STPG2: variants seen among roughly 807,000 people sequenced by gnomAD.
The protein encoded by STPG2 is sperm tail PG-rich repeat containing 2, also known as sperm-tail PG-rich repeat-containing protein 2.
A neutral mutation model predicts 54.2 loss-of-function variants in STPG2; 56 were observed. The observed-to-expected ratio is 1.03, with a 90% confidence interval of 0.83 to 1.29. STPG2 has a LOEUF of 1.29. Among genes scored for constraint, STPG2 ranks in the 50% most tolerant of loss-of-function variants. The pLI is 0.00. For synonymous variants in STPG2, 200 were observed against 181.8 expected, an observed-to-expected ratio of 1.10 and a Z score of -0.81; for missense variants, 596 against 544.9, an observed-to-expected ratio of 1.09 and a Z score of -0.93.
intron 5 of STPG2, among the ~76,000 whole-genome samples, chr4:98,098,848 T>C (rs1463951421): frequency 6.6e-6 from 1 of 152,042 alleles, no homozygotes; most frequent in Non-Finnish European, 1.5e-5. Flanking sequence ...GAAATACAAA[T>C]GGCAACAAGC....
At chr4:97,736,731 C>T (rs1384242846) in intron 9 of STPG2, among the ~76,000 whole-genome samples, 2 of 152,198 alleles carry the variant, frequency 1.3e-5, no homozygotes, top group African/African-American at 4.8e-5. Flanking sequence ...TGGAGCCCAC[C>T]ACAGCTCAAG....
chr4:97,841,014 A>G, intron 8 of STPG2, 82 bp from the exon 9 acceptor site: 6 of 1,358,406 alleles, frequency 4.4e-6, no homozygotes, highest in Non-Finnish European at 6.0e-6. Flanking sequence ...TGGTTACAGT[A>G]AGCAATGAAT....
intron 9 of STPG2, among the ~76,000 whole-genome samples, chr4:97,785,901 A>T (rs1726808168): frequency 1.3e-5 from 2 of 152,040 alleles, no homozygotes; most frequent in South Asian, 4.1e-4. Flanking sequence ...CAGGGAGAGT[A>T]AGGAGTGAAG....
intron 10 of STPG2, among the ~76,000 whole-genome samples, chr4:97,655,338 T>C (rs1722191995): frequency 6.6e-6 from 1 of 151,946 alleles, no homozygotes; most frequent in Admixed American, 6.6e-5. Context: ...GCAGAAATGG[T>C]GGGAAAGGGA....
rs145097837 is a variant in STPG2 at position 97,494,806 on chromosome 4, C to T, written c.462+217893G>A. Among the ~76,000 whole-genome samples the T allele has an allele frequency of 6.1e-3, 928 of 151,574 alleles. 5 individuals carry two copies. Among genetic ancestry groups the T allele is most frequent in the South Asian group, 0.02 (98 of 4,806 alleles). On this transcript the variant is annotated intron_variant, in intron 4 of 4. Transcript: ENST00000522676. ...CAAAGATGGCTACAACAATATCTTT[C>T]ATTCCACAAGCTTTTACACAATGTG... is the stretch of plus-strand genomic sequence containing the variant.
chr4:97,640,680 A>C (rs1721737203), intron 10 of STPG2, among the ~76,000 whole-genome samples: 1 of 151,650 alleles, frequency 6.6e-6, no homozygotes, highest in Non-Finnish European at 1.5e-5. Context: ...TCAAAAGGTA[A>C]AAGAACATGA....
chr4:97,800,654 G>C (rs1727362497), intron 9 of STPG2, among the ~76,000 whole-genome samples: 1 of 152,178 alleles, frequency 6.6e-6, no homozygotes, highest in African/African-American at 2.4e-5. Context: ...GAGGCAGTCT[G>C]TCCATTCTCC....
chr4:98,023,688 C>T (rs867845124), intron 5 of STPG2, among the ~76,000 whole-genome samples: 2 of 152,252 alleles, frequency 1.3e-5, no homozygotes, highest in African/African-American at 2.4e-5. Context: ...CCACCCAGTT[C>T]GAGCTTTCTG....
chr4:97,787,470 A>G (rs1726861626), intron 9 of STPG2, among the ~76,000 whole-genome samples: 1 of 152,076 alleles, frequency 6.6e-6, no homozygotes, highest in African/African-American at 2.4e-5. Flanking sequence ...CATTTCAGGG[A>G]TCCATGACTT....
At chr4:97,885,632 A>G (rs1730535201) in intron 8 of STPG2, among the ~76,000 whole-genome samples, 2 of 152,216 alleles carry the variant, frequency 1.3e-5, no homozygotes, top group Non-Finnish European at 2.9e-5. Context: ...AGGTTCATAT[A>G]TACACAGATT....
At chr4:97,686,525 C>A (rs576777925) in intron 10 of STPG2, among the ~76,000 whole-genome samples, 1 of 152,218 alleles carries the variant, frequency 6.6e-6, no homozygotes, top group South Asian at 2.1e-4. Context: ...CGTTCTTCTG[C>A]TGGAGGTTAG....
chr4:97,787,326 G>A (rs1726857966), intron 9 of STPG2, among the ~76,000 whole-genome samples: 1 of 151,982 alleles, frequency 6.6e-6, no homozygotes, highest in Non-Finnish European at 1.5e-5. Flanking sequence ...AATTTGCTGA[G>A]AATTTTTAAT....
At chr4:97,905,540 T>G (rs1731373896) in intron 8 of STPG2, among the ~76,000 whole-genome samples, 1 of 149,998 alleles carries the variant, frequency 6.7e-6, no homozygotes. Flanking sequence ...AGGAAGAAAC[T>G]GCATCAACTA....
chr4:97,715,442 T>A (rs1724256256), intron 9 of STPG2, among the ~76,000 whole-genome samples: 1 of 152,128 alleles, frequency 6.6e-6, no homozygotes, highest in Non-Finnish European at 1.5e-5. Flanking sequence ...TCAGTCTCTA[T>A]GAAATGTCAA....
intron 9 of STPG2, among the ~76,000 whole-genome samples, chr4:97,718,007 A>C (rs985152612): frequency 1.3e-5 from 2 of 152,092 alleles, no homozygotes; most frequent in Non-Finnish European, 2.9e-5. Flanking sequence ...TATTACCAAG[A>C]AAATTATCAA....
intron 5 of STPG2, among the ~76,000 whole-genome samples, chr4:97,983,246 T>C (rs932795180): frequency 1.3e-5 from 2 of 152,220 alleles, no homozygotes; most frequent in Non-Finnish European, 2.9e-5. Context: ...GATTTTTTAA[T>C]AACATTTCCT....
At chr4:97,812,157 A>G (rs1727760029) in intron 9 of STPG2, among the ~76,000 whole-genome samples, 1 of 152,080 alleles carries the variant, frequency 6.6e-6, no homozygotes, top group Non-Finnish European at 1.5e-5. Flanking sequence ...TTCTAACCAT[A>G]ACATAGTGAT....
intron 5 of STPG2, among the ~76,000 whole-genome samples, chr4:98,038,348 G>C (rs541078714): frequency 2.0e-5 from 3 of 152,198 alleles, no homozygotes; most frequent in Admixed American, 6.6e-5. Context: ...AAATAGTGTG[G>C]TATTGGTTTG....
Position 98,015,815 on chromosome 4 carries a change from C to G in STPG2, c.613-34497G>C, listed in dbSNP as rs538004000. Among the ~76,000 whole-genome samples, 40 of 152,148 alleles carry G rather than the reference C, an allele frequency of 2.6e-4. No individual in the cohort carries two copies. In the South Asian group the frequency reaches 8.1e-3, roughly 31 times the overall value. ...AAGACTTGGAACCAACCCAAATGTC[C>G]ATCAATGACAAACTGGATAAAGAAA... On this transcript the variant is annotated intron_variant, in intron 5 of 10. Coordinates refer to ENST00000295268, the MANE Select transcript of STPG2 (RefSeq NM_174952.3).
Sources: gnomAD v4.1 joint callset for allele counts (sites outside exome capture counted in the v4.1 genomes callset) on GRCh38, gnomAD v4.1.1 for gene constraint, MANE v1.5 for transcripts, NCBI Gene and HGNC (gene_info 2026-07-23, HGNC 2026-07-21) for gene names.